ELF1: variants seen among roughly 807,000 people sequenced by gnomAD.
ELF1 encodes the protein ETS-related transcription factor Elf-1.
A neutral mutation model predicts 59.9 loss-of-function variants in ELF1; 24 were observed. The ratio of observed to expected loss-of-function variants is 0.40; its 90% confidence interval spans 0.29 to 0.56. The LOEUF (loss-of-function observed/expected upper bound fraction) is 0.56. Ranked by LOEUF, ELF1 falls within the 20% of genes least tolerant of loss-of-function variation. The probability of loss-of-function intolerance (pLI) is 0.44; values close to 1 mark genes in which losing one functional copy is unlikely to be tolerated. For missense variants in ELF1, 627 were observed against 742.2 expected (o/e 0.84, Z 1.80); for synonymous variants, 248 against 266.2 (o/e 0.93, Z 0.67).
intron 2 of ELF1, among the ~76,000 whole-genome samples, chr13:40,969,307 C>A (rs146612817): frequency 6.6e-6 from 1 of 152,208 alleles, no homozygotes; most frequent in East Asian, 1.9e-4. Context: ...CTCTCTTATA[C>A]CCTAGCATAA....
At chr13:41,060,140 G>A (rs1370970478) in intron 1 of ELF1, among the ~76,000 whole-genome samples, 1 of 152,196 alleles carries the variant, frequency 6.6e-6, no homozygotes, top group Non-Finnish European at 1.5e-5. Flanking sequence ...GGAGACGCGA[G>A]CGCACACGCG....
At chr13:40,958,760 C>A in intron 3 of ELF1, 76 bp downstream of exon 3, 1 of 1,460,158 alleles carries the variant, frequency 6.8e-7, no homozygotes, top group Non-Finnish European at 9.1e-7. Context: ...GCGTTTTATG[C>A]CCCCACATCC....
chr13:41,012,960 C>A (rs1875163822), intron 1 of ELF1, among the ~76,000 whole-genome samples: 2 of 152,120 alleles, frequency 1.3e-5, no homozygotes, highest in African/African-American at 2.4e-5. Context: ...TAATTGGGAA[C>A]ATGTATTTAT....
chr13:41,035,050 T>C (rs943476967), intron 1 of ELF1, among the ~76,000 whole-genome samples: 11 of 152,334 alleles, frequency 7.2e-5, no homozygotes, highest in Non-Finnish European at 1.0e-4. Flanking sequence ...AAAGGAAGAA[T>C]TGGTCACTTC....
At chr13:40,975,475 A>T (rs1309924783) in intron 2 of ELF1, among the ~76,000 whole-genome samples, 2 of 152,248 alleles carry the variant, frequency 1.3e-5, no homozygotes, top group Non-Finnish European at 2.9e-5. Context: ...AAATGTGAAC[A>T]ACTGTCATTT....
At chr13:40,986,386 T>C (rs1158461551) in intron 1 of ELF1, among the ~76,000 whole-genome samples, 1 of 151,038 alleles carries the variant, frequency 6.6e-6, no homozygotes. Flanking sequence ...TGCAGAATAC[T>C]TGGCACATAA....
intron 1 of ELF1, among the ~76,000 whole-genome samples, chr13:41,006,183 A>G (rs1284632688): frequency 7.1e-6 from 1 of 139,958 alleles, no homozygotes; most frequent in Non-Finnish European, 1.7e-5. Flanking sequence ...TTTACCCAGT[A>G]TTTTTCAACC....
chr13:41,008,900 G>T (rs887193533), intron 1 of ELF1, among the ~76,000 whole-genome samples: 13 of 151,634 alleles, frequency 8.6e-5, no homozygotes, highest in Admixed American at 3.3e-4. Flanking sequence ...AAAGCTAAAA[G>T]ATTTACACTC....
intron 1 of ELF1, among the ~76,000 whole-genome samples, chr13:41,048,652 A>C (rs1288425063): frequency 1.3e-5 from 2 of 152,036 alleles, no homozygotes; most frequent in African/African-American, 4.8e-5. Context: ...GGCTCAAGCA[A>C]TCCGCCCACC....
intron 3 of ELF1, among the ~76,000 whole-genome samples, chr13:40,955,331 T>C (rs1871192111): frequency 7.6e-6 from 1 of 132,052 alleles, no homozygotes; most frequent in Admixed American, 7.4e-5. Flanking sequence ...GGTGGGGGGG[T>C]TAGCCCCCCA....
rs149188591 is a variant in ELF1, at chr13:41,016,271, G to A, written c.-229+2957C>T. ...TGTGGACGATTTCGCACCGAATTGA[G>A]TTAGGGCACTCAGAAATTTAGGAGA... On this transcript the variant is annotated intron_variant, in intron 1 of 8. Coordinates refer to ENST00000239882, the MANE Select transcript of ELF1 (RefSeq NM_172373.4). 2.9e-3 allele frequency among the ~76,000 whole-genome samples: 445 copies of A among 152,254 alleles called. 1 individual carries two copies. Among genetic ancestry groups the A allele is most frequent in the Non-Finnish European group, 5.3e-3 (361 of 68,008 alleles).
At chr13:41,013,032 T>C (rs977567091) in intron 1 of ELF1, among the ~76,000 whole-genome samples, 6 of 152,212 alleles carry the variant, frequency 3.9e-5, no homozygotes, top group Non-Finnish European at 7.3e-5. Flanking sequence ...ATGACAAGCA[T>C]ACTGAATTGT....
chr13:41,040,555 C>G (rs1401420824), intron 1 of ELF1, among the ~76,000 whole-genome samples: 1 of 152,090 alleles, frequency 6.6e-6, no homozygotes, highest in Non-Finnish European at 1.5e-5. Flanking sequence ...TGGGATGAAA[C>G]TGTTCCTCCT....
intron 2 of ELF1, among the ~76,000 whole-genome samples, chr13:40,971,995 T>C (rs1165804855): frequency 2.0e-5 from 3 of 152,198 alleles, no homozygotes; most frequent in African/African-American, 7.2e-5. Flanking sequence ...ATGTTTACTT[T>C]ACTTACAAAC....
intron 1 of ELF1, among the ~76,000 whole-genome samples, chr13:41,048,758 G>T (rs1246249257): frequency 6.7e-5 from 10 of 148,300 alleles, no homozygotes; most frequent in Non-Finnish European, 1.5e-4. Context: ...AAAAAAAAAA[G>T]AACCTGAATT....
intron 8 of ELF1, 83 bp downstream of exon 8, chr13:40,940,838 C>T (rs9525433): frequency 7.1e-7 from 1 of 1,415,216 alleles, no homozygotes. Context: ...ATTTTCATTT[C>T]TGAATCTTGA....
intron 8 of ELF1, 114 bp downstream of exon 8, chr13:40,940,807 G>T: frequency 8.1e-7 from 1 of 1,231,476 alleles, no homozygotes; most frequent in Non-Finnish European, 1.1e-6. Context: ...AAGAATTCTA[G>T]CTTGAAACCT....
At chr13:41,060,803 T>C (rs1166321141) in intron 1 of ELF1, 3 of 199,870 alleles carry the variant, frequency 1.5e-5, no homozygotes, top group Non-Finnish European at 3.2e-5. Flanking sequence ...CGCTAGACCA[T>C]ATGGGAAGTG....
chr13:41,060,358 G>A (rs931150550), intron 1 of ELF1, among the ~76,000 whole-genome samples: 4 of 152,262 alleles, frequency 2.6e-5, no homozygotes, highest in Non-Finnish European at 5.9e-5. Context: ...CGGCTGAAGA[G>A]GGTGTGGGCC....
Sources: allele counts gnomAD v4.1 joint callset (sites outside exome capture counted in the v4.1 genomes callset), GRCh38; gene constraint gnomAD v4.1.1; transcripts MANE v1.5; gene names NCBI Gene and HGNC (gene_info 2026-07-23, HGNC 2026-07-21).